AP1AR: variants seen among roughly 807,000 people sequenced by gnomAD.
AP1AR encodes the protein adaptor related protein complex 1 associated regulatory protein.
A neutral mutation model predicts 46.3 loss-of-function variants in AP1AR; 29 were observed. That is an observed-to-expected ratio of 0.63 (90% CI 0.47 to 0.85). The LOEUF (loss-of-function observed/expected upper bound fraction) is 0.85. AP1AR is among the 40% of genes least tolerant of loss of function. The pLI is 0.00. For missense variants in AP1AR, 357 were observed against 356.3 expected (o/e 1.00, Z -0.02); for synonymous variants, 122 against 122.9 (o/e 0.99, Z 0.05).
rs1252784768 is a variant in AP1AR, at chr4:112,270,105, T to C, written c.*1696T>C. 6.6e-6 allele frequency: 1 copy of C among 152,620 alleles called. No homozygotes were observed. The highest frequency in any genetic ancestry group is 1.5e-5 in the Non-Finnish European group (1 of 67,998). 9.5% of individuals were successfully genotyped at this position (152,620 alleles called of 1,614,324 possible). A position where few individuals can be genotyped will look rare whatever the true frequency, so the allele number is the denominator to read the frequency against. On this transcript the variant is annotated 3_prime_UTR_variant, in exon 10 of 10. Transcript: ENST00000274000. ...TTACTCCATAAACATGCAGGTATTC[T>C]GATTCCTGACTTGTAATTATTTTAT...
intron 3 of AP1AR, among the ~76,000 whole-genome samples, chr4:112,255,423 T>TTTGTTG (rs1302928353): frequency 2.0e-5 from 3 of 152,084 alleles, no homozygotes; most frequent in African/African-American, 4.8e-5. Flanking sequence ...CCCATTGCTT[T>TTTGTTG]TTGTTGTTGT....
intron 1 of AP1AR, among the ~76,000 whole-genome samples, chr4:112,245,917 TTGC>T (rs1445254885): frequency 6.6e-6 from 1 of 152,164 alleles, no homozygotes; most frequent in African/African-American, 2.4e-5. Flanking sequence ...GTAATAGATA[TTGC>T]TGCTTTTGCT....
intron 1 of AP1AR, among the ~76,000 whole-genome samples, chr4:112,236,856 CAGTG>C (rs754054041): frequency 2.6e-5 from 4 of 152,154 alleles, no homozygotes; most frequent in Non-Finnish European, 5.9e-5. Context: ...GGATACAAAT[CAGTG>C]AGAAAAACAT....
Position 112,268,392 on chromosome 4 carries a change from GATCA to G in AP1AR, c.894_897del (p.Gln299ArgfsTer15). 6.3e-7 allele frequency: 1 copy of G among 1,599,908 alleles called. No individual in the cohort carries two copies. The highest frequency in any genetic ancestry group is 8.5e-7 in the Non-Finnish European group (1 of 1,172,542). ...TTCTGGCATAAGGCATTCTGACACA[GATCA>G]ACAGACTCGATAGGGTAAAATTGTG... On this transcript the variant is annotated frameshift_variant, in exon 10 of 10. Transcript: ENST00000274000. LOFTEE classifies it high-confidence loss of function.
rs887660173 is a variant in AP1AR at position 112,272,672 on chromosome 4, CT to C, written c.*4271del. Among the ~76,000 whole-genome samples, 8 of 151,902 alleles carry C rather than the reference CT, an allele frequency of 5.3e-5. No homozygotes were observed. Among genetic ancestry groups the C allele is most frequent in the Admixed American group, 3.3e-4 (5 of 15,262 alleles). On this transcript the variant is annotated 3_prime_UTR_variant, in exon 10 of 10. Coordinates refer to ENST00000274000, the MANE Select transcript of AP1AR (RefSeq NM_018569.6). ...TCCCCCTTCGTTCCATCCAAGTGTA[CT>C]TTTTTTTGCTTCAATAAACTCTTGT...
rs149057350 is a variant in AP1AR, at chr4:112,239,810, C to G, written c.83+7636C>G. ...CATTTGTTTGTCTGTTGACTGTTCT[C>G]CCTTAATAGAGTATAAATTTCATGT... On this transcript the variant is annotated intron_variant, in intron 1 of 9. Transcript: ENST00000274000. Among the ~76,000 whole-genome samples the G allele has an allele frequency of 2.8e-4, 42 of 152,348 alleles. 1 individual carries two copies. The East Asian group carries it at 8.1e-3, about 29-fold the overall frequency.
intron 1 of AP1AR, among the ~76,000 whole-genome samples, 154 bp downstream of exon 1, chr4:112,232,328 G>A (rs2110459435): frequency 6.6e-6 from 1 of 152,342 alleles, no homozygotes; most frequent in Non-Finnish European, 1.5e-5. Context: ...TGGTCGTCTT[G>A]GAGGCCCAGT....
chr4:112,260,823 C>T lies in AP1AR; in HGVS notation c.243C>T (p.Ala81=), dbSNP rs771968876. 22 of 1,598,824 alleles carry T rather than the reference C, an allele frequency of 1.4e-5. No homozygotes were observed. Among genetic ancestry groups the T allele is most frequent in the Non-Finnish European group, 1.6e-5 (19 of 1,172,770 alleles). ...DLRERHYDSI[A]EKQKDLDKKI... ...GAGAAAGGCATTATGATTCCATTGC[C>T]GAAAAACAAAAAGATCTTGATAAGA... is the stretch of plus-strand genomic sequence containing the variant. Residue 81 remains alanine, a synonymous_variant, in exon 5 of 10, where the codon GCC becomes GCT. Transcript: ENST00000274000.
intron 1 of AP1AR, among the ~76,000 whole-genome samples, chr4:112,236,909 C>T (rs944873074): frequency 3.3e-5 from 5 of 152,124 alleles, no homozygotes; most frequent in Non-Finnish European, 5.9e-5. Context: ...TTTCAAAAAA[C>T]GTGTCATTCA....
intron 1 of AP1AR, among the ~76,000 whole-genome samples, chr4:112,238,833 T>A (rs1256986297): frequency 6.6e-6 from 1 of 152,186 alleles, no homozygotes; most frequent in African/African-American, 2.4e-5. Context: ...CAAACATAAC[T>A]GTAAATTAAT....
In AP1AR at chr4:112,268,409, G is replaced by A. The variant is rs1726802601; in HGVS notation, c.909G>A (p.Ter303=). The change falls in exon 10 of 10, where the codon TAG becomes TAA. Residue 303 remains the stop codon, a stop_retained_variant. Coordinates refer to ENST00000274000, the MANE Select transcript of AP1AR (RefSeq NM_018569.6). ...RHSDTDQQTR[*] ...CTGACACAGATCAACAGACTCGATA[G>A]GGTAAAATTGTGTGACCTTGTTTAT... The A allele has an allele frequency of 6.4e-7, 1 of 1,574,506 alleles. No homozygotes were observed. The highest frequency in any genetic ancestry group is 1.8e-5 in the Admixed American group (1 of 54,322).
intron 1 of AP1AR, among the ~76,000 whole-genome samples, chr4:112,242,711 A>G (rs1725559287): frequency 6.6e-6 from 1 of 152,130 alleles, no homozygotes; most frequent in Non-Finnish European, 1.5e-5. Flanking sequence ...CACCACTGTT[A>G]CCTAAACACT....
chr4:112,247,938 A>T (rs1406982183), intron 1 of AP1AR, among the ~76,000 whole-genome samples: 1 of 152,228 alleles, frequency 6.6e-6, no homozygotes, highest in Non-Finnish European at 1.5e-5. Context: ...TGACATAAAT[A>T]TCCTAACTTA....
At chr4:112,253,598 T>C (rs1422905800) in intron 2 of AP1AR, among the ~76,000 whole-genome samples, 1 of 152,212 alleles carries the variant, frequency 6.6e-6, no homozygotes, top group Non-Finnish European at 1.5e-5. Context: ...AAGCAGGAAG[T>C]TGAGTTTAAG....
At chr4:112,260,551 GA>G (rs1726396884) in intron 4 of AP1AR, among the ~76,000 whole-genome samples, 1 of 152,174 alleles carries the variant, frequency 6.6e-6, no homozygotes, top group Non-Finnish European at 1.5e-5. Flanking sequence ...AAACTATTCT[GA>G]TATTGTATCA....
Position 112,269,681 on chromosome 4 carries a change from T to C in AP1AR, c.*1272T>C, listed in dbSNP as rs1197561239. 1 of 152,342 alleles carries C rather than the reference T, an allele frequency of 6.6e-6. No individual in the cohort carries two copies. Among genetic ancestry groups the C allele is most frequent in the Non-Finnish European group, 1.5e-5 (1 of 67,880 alleles). 9.4% of individuals were successfully genotyped at this position (152,342 alleles called of 1,614,324 possible). ...TTGCTGTGCTTAAAAAAAAAAATCA[T>C]GTGGCCCTTTCAATATTTGAACTGC... On this transcript the variant is annotated 3_prime_UTR_variant, in exon 10 of 10. Coordinates refer to ENST00000274000, the MANE Select transcript of AP1AR (RefSeq NM_018569.6).
chr4:112,266,125 A>G (rs188856880), intron 8 of AP1AR, among the ~76,000 whole-genome samples: 62 of 151,960 alleles, frequency 4.1e-4, no homozygotes, highest in African/African-American at 1.5e-3. Flanking sequence ...AGAAAAGTGT[A>G]CTTATTTTTT....
chr4:112,268,231 C>T lies in AP1AR; in HGVS notation c.731C>T (p.Thr244Ile), dbSNP rs1187286732. The change falls in exon 10 of 10, where the codon ACT becomes ATT. Residue 244 changes from threonine (T) to isoleucine (I), a missense_variant. Coordinates refer to ENST00000274000, the MANE Select transcript of AP1AR (RefSeq NM_018569.6). ...RAALKYSNKK[T>I]GSNPTSASDD... The stretch of plus-strand genomic sequence containing the variant: ...GCACTTAAGTATAGCAACAAGAAGA[C>T]TGGAAGTAATCCTACATCAGCCTCT... 6.2e-7 allele frequency: 1 copy of T among 1,612,902 alleles called. No individual in the cohort carries two copies. Among genetic ancestry groups the T allele is most frequent in the African/African-American group, 1.3e-5 (1 of 74,972 alleles).
At chr4:112,256,474 T>G (rs1726203540) in intron 3 of AP1AR, among the ~76,000 whole-genome samples, 1 of 152,226 alleles carries the variant, frequency 6.6e-6, no homozygotes, top group Non-Finnish European at 1.5e-5. Context: ...GAACTCGTGA[T>G]TCCATGGATT....
Sources: allele counts gnomAD v4.1 joint callset (sites outside exome capture counted in the v4.1 genomes callset), GRCh38; gene constraint gnomAD v4.1.1; transcripts MANE v1.5; gene names NCBI Gene and HGNC (gene_info 2026-07-23, HGNC 2026-07-21).